The following TSPYL2 variants were observed in gnomAD, a reference collection of about 807,000 sequenced individuals.
TSPYL2 encodes testis-specific Y-encoded-like protein 2.
In TSPYL2, 9 loss-of-function variants were observed where a neutral mutation model predicts 33.0. That is an observed-to-expected ratio of 0.27 (90% confidence interval 0.16 to 0.48). TSPYL2 has a LOEUF of 0.48. Ranked by LOEUF, TSPYL2 falls within the 20% of genes least tolerant of loss-of-function variation. The probability of loss-of-function intolerance (pLI) is 0.99; values close to 1 mark genes in which losing one functional copy is unlikely to be tolerated. For missense variants in TSPYL2, 636 were observed against 586.2 expected (o/e 1.08, Z -0.88); for synonymous variants, 330 against 233.6 (o/e 1.41, Z -3.77).
At chrX:53,085,437 T>C in intron 5 of TSPYL2, 116 bp downstream of exon 5, 1 of 784,015 alleles carries the variant, frequency 1.3e-6, no homozygotes, top group South Asian at 2.7e-5. Context: ...TGGAATATGT[T>C]TTACAAGTGG....
rs1186172957 is a variant in TSPYL2 at position 53,087,257 on chromosome X, GAA to G, written c.1919-517_1919-516del. ...TCTAGACATGTTCAGGTAGGAGAGA[GAA>G]ACAGGGATTCTCAGTTCTCTTCCCC... is the stretch of plus-strand genomic sequence containing the variant. On this transcript the variant is annotated intron_variant, in intron 6 of 6. Transcript: ENST00000375442. 2.7e-5 allele frequency: 3 copies of G among 112,985 alleles called. No homozygotes were observed. The Admixed American group carries it at 2.7e-4, about 10-fold the overall frequency. 9.3% of individuals were successfully genotyped at this position (112,985 alleles called of 1,213,427 possible). A position where few individuals can be genotyped will look rare whatever the true frequency, so the allele number is the denominator to read the frequency against.
In TSPYL2 at chrX:53,086,069, C is replaced by T. The variant is rs1364556019; in HGVS notation, c.1677C>T (p.Ser559=). 1.2e-5 allele frequency: 14 copies of T among 1,171,389 alleles called. No individual in the cohort carries two copies. The highest frequency in any genetic ancestry group is 2.3e-4 in the Middle Eastern group (1 of 4,314). ...WGSHGNNQDS[S]DSDNEADEAS... is the part of the protein sequence containing the mutation. ...GCCATGGCAACAACCAGGACAGCAG[C>T]GACAGTGACAATGAAGCAGATGAGG... Residue 559 remains serine (S), a synonymous_variant, in exon 6 of 7, where the codon AGC becomes AGT. Transcript: ENST00000375442.
At position 53,083,112 on chromosome X, in the gene TSPYL2, G is replaced by A; in HGVS notation, c.614G>A (p.Arg205Lys). 8.3e-7 allele frequency: 1 copy of A among 1,210,624 alleles called. No homozygotes were observed. Among genetic ancestry groups the A allele is most frequent in the South Asian group, 1.8e-5 (1 of 56,807 alleles). The change falls in exon 1 of 7, where the codon AGA becomes AAA. Residue 205 changes from arginine (R) to lysine (K), a missense_variant. This residue lies in a region of TSPYL2 where 231 missense variants were observed against 201.6 expected (regional missense o/e 1.15). Transcript: ENST00000375442. ...RKQRKVKRESRERNAERMESI... is the reference protein window; with the variant it reads ...RKQRKVKRESKERNAERMESI... ...CAGAGGAAGGTGAAGAGGGAAAGCA[G>A]AGAGAGAAATGCCGAGAGGATGGAG... is the stretch of plus-strand genomic sequence containing the variant.
At chrX:53,083,601 A>T (rs1346973222) in intron 1 of TSPYL2, among the ~76,000 whole-genome samples, 1 of 108,980 alleles carries the variant, frequency 9.2e-6, no homozygotes, top group Non-Finnish European at 1.9e-5. Flanking sequence ...CACAGATGAT[A>T]AAAAGGGGGA....
rs1159800472 is a variant in TSPYL2 at position 53,088,267 on chromosome X, G to A, written c.*328G>A. The A allele has an allele frequency of 1.4e-5, 3 of 218,416 alleles. No individual in the cohort carries two copies. Among genetic ancestry groups the A allele is most frequent in the Non-Finnish European group, 2.5e-5 (3 of 119,953 alleles). 18.0% of individuals were successfully genotyped at this position (218,416 alleles called of 1,213,427 possible). On this transcript the variant is annotated 3_prime_UTR_variant, in exon 7 of 7. Transcript: ENST00000375442. Reference sequence around the variant, plus strand: ...GCCCCAGCCCCTCTCCCTGTGCTGTGTGGAGTGGACACCCTGACCCCCGAA... The same window carrying A: ...GCCCCAGCCCCTCTCCCTGTGCTGTATGGAGTGGACACCCTGACCCCCGAA...
intron 6 of TSPYL2, chrX:53,087,250 G>GGA (rs1932780602): frequency 8.8e-6 from 1 of 113,012 alleles, no homozygotes; most frequent in Non-Finnish European, 1.8e-5. Context: ...TGTTCAGGTA[G>GGA]GAGAGAGAAA....
rs1556807271 is a variant in TSPYL2, at chrX:53,082,755, C to T, written c.257C>T (p.Ala86Val). Reference sequence around the variant, plus strand: ...ATTCTCGAGGAGGGGGGGATCCGCGCATACTTCACGCTCGGTGCTGAGTGT... The same window carrying T: ...ATTCTCGAGGAGGGGGGGATCCGCGTATACTTCACGCTCGGTGCTGAGTGT... ...YVILEEGGIRAYFTLGAECPG... is the reference protein window; with the variant it reads ...YVILEEGGIRVYFTLGAECPG... Residue 86 changes from alanine to valine, a missense_variant, in exon 1 of 7, where the codon GCA becomes GTA. Ala to Val is a moderately conservative substitution (Grantham distance 64, BLOSUM62 0). Coordinates refer to ENST00000375442, the MANE Select transcript of TSPYL2 (RefSeq NM_022117.4). The T allele has an allele frequency of 8.5e-7, 1 of 1,183,113 alleles. No individual in the cohort carries two copies. Among genetic ancestry groups the T allele is most frequent in the Admixed American group, 2.5e-5 (1 of 39,596 alleles).
rs1427275007 is a variant in TSPYL2, at chrX:53,085,220, T to G, written c.1144-7T>G. On this transcript the variant is annotated splice_polypyrimidine_tract_variant and splice_region_variant and intron_variant, in intron 4 of 6. Transcript: ENST00000375442. The stretch of plus-strand genomic sequence containing the variant: ...GCTGTCTTATTCCTTCTCCCCTTTT[T>G]CAACAGATTATCAAGAATGATCTGT... The G allele has an allele frequency of 3.3e-6, 4 of 1,197,176 alleles. No homozygotes were observed. Among genetic ancestry groups the G allele is most frequent in the Non-Finnish European group, 4.5e-6 (4 of 888,688 alleles).
chrX:53,084,710 T>C (rs1556807913), intron 2 of TSPYL2, 45 bp from the exon 3 acceptor site: 2 of 1,176,994 alleles, frequency 1.7e-6, no homozygotes, highest in African/African-American at 3.6e-5. Context: ...GGCCGTGGTG[T>C]GTTGGGGGGG....
Position 53,082,827 on chromosome X carries a change from C to T in TSPYL2, c.329C>T (p.Pro110Leu). Reference sequence around the variant, plus strand: ...GAGTCGGGGTATGGGGAGGCGCCCCCGCCCACGGAGAGCCTGGAAGCACTC... The same window carrying T: ...GAGTCGGGGTATGGGGAGGCGCCCCTGCCCACGGAGAGCCTGGAAGCACTC... ...TIESGYGEAP[P>L]PTESLEALPT... The change falls in exon 1 of 7, where the codon CCG becomes CTG. Residue 110 changes from proline (P) to leucine (L), a missense_variant. By Grantham distance (98) the Pro-to-Leu change is moderately conservative (BLOSUM62 -3). Transcript: ENST00000375442. 1.7e-6 allele frequency: 2 copies of T among 1,203,984 alleles called. No homozygotes were observed. The highest frequency in any genetic ancestry group is 3.6e-5 in the South Asian group (2 of 56,033).
chrX:53,087,327 C>T (rs1224390349), intron 6 of TSPYL2: 1 of 116,536 alleles, frequency 8.6e-6, no homozygotes, highest in Non-Finnish European at 1.8e-5. Flanking sequence ...GGAGGCAGAG[C>T]TATCTGCCCA....
rs1474288233 is a variant in TSPYL2, at chrX:53,082,404, C to T, written c.-95C>T. ...TGAGGAGAGCTGGTTGCGTGAGTCT[C>T]CTCAGCTCTGCTTACCGGTGCGACT... On this transcript the variant is annotated 5_prime_UTR_variant, in exon 1 of 7. Transcript: ENST00000375442. The T allele has an allele frequency of 7.8e-6, 7 of 893,100 alleles. No individual in the cohort carries two copies. The African/African-American group carries it at 8.4e-5, about 11-fold the overall frequency. 73.6% of individuals were successfully genotyped at this position (893,100 alleles called of 1,213,427 possible).
chrX:53,087,344 AGGGTGGGAGTGG>A (rs1290774716), intron 6 of TSPYL2: 1 of 119,360 alleles, frequency 8.4e-6, no homozygotes, highest in African/African-American at 3.3e-5. Context: ...CCCAGCCCTG[AGGGTGGGAGTGG>A]GGGTGGGGAA....
At position 53,082,495 on chromosome X, in the gene TSPYL2, C is replaced by G; in HGVS notation, c.-4C>G. The G allele has an allele frequency of 1.7e-6, 2 of 1,154,543 alleles. No homozygotes were observed. Among genetic ancestry groups the G allele is most frequent in the Non-Finnish European group, 2.3e-6 (2 of 871,555 alleles). On this transcript the variant is annotated 5_prime_UTR_variant, in exon 1 of 7. Transcript: ENST00000375442. ...GTCCCCTGAGCTGTACGAACGCGGT[C>G]GCCATGGACCGCCCAGATGAGGGGC... is the stretch of plus-strand genomic sequence containing the variant.
chrX:53,085,000 G>A lies in TSPYL2; in HGVS notation c.1044G>A (p.Gln348=). The A allele has an allele frequency of 8.3e-7, 1 of 1,211,741 alleles. No individual in the cohort carries two copies. Among genetic ancestry groups the A allele is most frequent in the Middle Eastern group, 2.3e-4 (1 of 4,350 alleles). ...HSTPIRWHRG[Q]EPQARRHGNQ... is the part of the protein sequence containing the mutation. ...CCCCAATCCGCTGGCACCGGGGCCA[G>A]GAACCCCAGGCCCGTCGTCACGGGA... The change falls in exon 4 of 7, where the codon CAG becomes CAA. Residue 348 remains glutamine (Q), a synonymous_variant. Coordinates refer to ENST00000375442, the MANE Select transcript of TSPYL2 (RefSeq NM_022117.4).
At chrX:53,087,701 C>T (rs888778528) in intron 6 of TSPYL2, 75 bp from the exon 7 acceptor site, 20 of 1,079,157 alleles carry the variant, frequency 1.9e-5, no homozygotes, top group Admixed American at 1.7e-4. Flanking sequence ...GTCTCTGTTC[C>T]CTTTTAGAGT....
chrX:53,085,213 C>T lies in TSPYL2; in HGVS notation c.1144-14C>T, dbSNP rs782351203. The T allele has an allele frequency of 1.8e-5, 21 of 1,193,658 alleles. No homozygotes were observed. Among genetic ancestry groups the T allele is most frequent in the Non-Finnish European group, 1.8e-5 (16 of 886,157 alleles). ...ACTAATGGCTGTCTTATTCCTTCTCCCCTTTTTCAACAGATTATCAAGAAT... is the reference window on the plus strand; with the variant it reads ...ACTAATGGCTGTCTTATTCCTTCTCTCCTTTTTCAACAGATTATCAAGAAT... On this transcript the variant is annotated splice_polypyrimidine_tract_variant and intron_variant, in intron 4 of 6. Coordinates refer to ENST00000375442, the MANE Select transcript of TSPYL2 (RefSeq NM_022117.4).
chrX:53,086,060 G>C lies in TSPYL2; in HGVS notation c.1668G>C (p.Gln556His), dbSNP rs868986922. ...GGFWGSHGNN[Q>H]DSSDSDNEAD... is the part of the protein sequence containing the mutation. ...TCTGGGGCAGCCATGGCAACAACCA[G>C]GACAGCAGCGACAGTGACAATGAAG... The change falls in exon 6 of 7, where the codon CAG becomes CAC. Residue 556 changes from glutamine (Q) to histidine (H), a missense_variant. By Grantham distance (24) the Gln-to-His change is conservative. Coordinates refer to ENST00000375442, the MANE Select transcript of TSPYL2 (RefSeq NM_022117.4). 1.7e-6 allele frequency: 2 copies of C among 1,171,713 alleles called. No individual in the cohort carries two copies. The highest frequency in any genetic ancestry group is 4.6e-4 in the Middle Eastern group (2 of 4,314).
rs782793681 is a variant in TSPYL2, at chrX:53,082,912, C to A, written c.414C>A (p.Ser138Arg). The A allele has an allele frequency of 1.7e-6, 2 of 1,210,690 alleles. No individual in the cohort carries two copies. Among genetic ancestry groups the A allele is most frequent in the Non-Finnish European group, 1.1e-6 (1 of 895,243 alleles). The change falls in exon 1 of 7, where the codon AGC becomes AGA. Residue 138 changes from serine (S) to arginine (R), a missense_variant. Physicochemically the swap from Ser to Arg is moderately radical, Grantham distance 110. Around this residue, in one of 3 missense-constraint regions of TSPYL2, gnomAD observed 231 missense variants for 201.6 expected, o/e 1.15. Coordinates refer to ENST00000375442, the MANE Select transcript of TSPYL2 (RefSeq NM_022117.4). ...TCGATTTTCAGGTTGTACAGTCGAGCAGTTTTGGTGGAGAGGGGGCCCTAG... is the reference window on the plus strand; with the variant it reads ...TCGATTTTCAGGTTGTACAGTCGAGAAGTTTTGGTGGAGAGGGGGCCCTAG... ...LEIDFQVVQS[S>R]SFGGEGALET...
Sources: gnomAD v4.1 joint callset for allele counts (sites outside exome capture counted in the v4.1 genomes callset) on GRCh38, gnomAD v4.1.1 for gene constraint, gnomAD v4.1.1 regional missense constraint, MANE v1.5 for transcripts, NCBI Gene and HGNC (gene_info 2026-07-23, HGNC 2026-07-21) for gene names.